Variants in NARS2 observed in about 807,000 individuals in gnomAD.
NARS2 encodes the protein asparaginyl-tRNA synthetase.
Under a neutral mutation model 62.9 loss-of-function variants are expected in NARS2, and 60 were observed. That is an observed-to-expected ratio of 0.95 (90% CI 0.77 to 1.18). NARS2 has a LOEUF of 1.18. Ranked by LOEUF, NARS2 falls within the 50% of genes most tolerant of loss-of-function variation. NARS2 has a pLI of 0.00. For missense variants in NARS2, 619 were observed against 576.4 expected (o/e 1.07, Z -0.76); for synonymous variants, 196 against 200.0 (o/e 0.98, Z 0.17).
chr11:78,491,503 T>C (rs77044291), intron 7 of NARS2, among the ~76,000 whole-genome samples: 4,726 of 152,364 alleles, frequency 0.031, 233 homozygotes, highest in African/African-American at 0.11. Context: ...AGGTACTGCC[T>C]TACTCAAGGT....
At chr11:78,541,851 T>C (rs1379956304) in intron 5 of NARS2, among the ~76,000 whole-genome samples, 1 of 152,228 alleles carries the variant, frequency 6.6e-6, no homozygotes, top group East Asian at 1.9e-4. Flanking sequence ...GAAATTGTTC[T>C]GCATGCCATT....
intron 11 of NARS2, among the ~76,000 whole-genome samples, chr11:78,458,811 C>T (rs2135187459): frequency 6.6e-6 from 1 of 152,308 alleles, no homozygotes; most frequent in East Asian, 1.9e-4. Context: ...ATTGTACTTC[C>T]ATAATTCCCA....
Position 78,515,641 on chromosome 11 carries a change from TA to T in NARS2, c.689+13200del, listed in dbSNP as rs1860878636. On this transcript the variant is annotated intron_variant, in intron 6 of 13. Coordinates refer to ENST00000281038, the MANE Select transcript of NARS2 (RefSeq NM_024678.6). ...CAAGCAATCCTCCTGCCTCAGCCTC[TA>T]AAGTAGCTGGGACTACAGGGGTGCA... Among the ~76,000 whole-genome samples, 3 of 151,480 alleles carry T rather than the reference TA, an allele frequency of 2.0e-5. No homozygotes were observed. In the South Asian group the frequency reaches 6.3e-4, roughly 32 times the overall value.
At chr11:78,570,111 A>G (rs1330106505) in intron 2 of NARS2, among the ~76,000 whole-genome samples, 1 of 152,008 alleles carries the variant, frequency 6.6e-6, no homozygotes, top group Non-Finnish European at 1.5e-5. Flanking sequence ...AATTGCCCGA[A>G]CTCATGAGGC....
chr11:78,436,515 T>A lies in NARS2; in HGVS notation c.*155A>T. ...AAATACCCTCAACTTTCTAAGAAAA[T>A]CACAACCACTTATATTTTTTCTATG... On this transcript the variant is annotated 3_prime_UTR_variant, in exon 14 of 14. Coordinates refer to ENST00000281038, the MANE Select transcript of NARS2 (RefSeq NM_024678.6). 7 of 950,504 alleles carry A rather than the reference T, an allele frequency of 7.4e-6. No individual in the cohort carries two copies. The highest frequency in any genetic ancestry group is 1.1e-5 in the Non-Finnish European group (7 of 647,200). The allele number at this position is 950,504 out of a possible 1,614,324, so 58.9% of individuals were successfully genotyped here. A position where few individuals can be genotyped will look rare whatever the true frequency, so the allele number is the denominator to read the frequency against.
chr11:78,542,880 G>A (rs1442424089), intron 5 of NARS2, among the ~76,000 whole-genome samples: 1 of 152,196 alleles, frequency 6.6e-6, no homozygotes, highest in East Asian at 1.9e-4. Context: ...ACTCCCAACA[G>A]GGCGACAGAG....
intron 6 of NARS2, among the ~76,000 whole-genome samples, chr11:78,524,261 G>C (rs1861224737): frequency 6.6e-6 from 1 of 152,026 alleles, no homozygotes; most frequent in Non-Finnish European, 1.5e-5. Context: ...ATAAATAAAA[G>C]TTGCTTTCAA....
chr11:78,558,791 G>C (rs1249862178), intron 5 of NARS2, among the ~76,000 whole-genome samples: 1 of 152,058 alleles, frequency 6.6e-6, no homozygotes, highest in Non-Finnish European at 1.5e-5. Flanking sequence ...CAGTTCTTAT[G>C]AAAAAATGTA....
At chr11:78,496,232 C>T (rs1171380598) in intron 6 of NARS2, among the ~76,000 whole-genome samples, 2 of 152,038 alleles carry the variant, frequency 1.3e-5, no homozygotes, top group Non-Finnish European at 2.9e-5. Context: ...AATGATCACC[C>T]TATGTCAGTA....
rs186916516 is a variant in NARS2 at position 78,464,958 on chromosome 11, C to T, written c.1164+918G>A. On this transcript the variant is annotated intron_variant, in intron 11 of 13. Transcript: ENST00000281038. The stretch of plus-strand genomic sequence containing the variant: ...CAGGTGGACCTGCCTGCCAGTCCCG[C>T]GCCATGCGCCTGCACTCCTCAGCCC... Among the ~76,000 whole-genome samples the T allele has an allele frequency of 4.1e-3, 632 of 152,362 alleles. 10 individuals are homozygous for T. The highest frequency in any genetic ancestry group is 0.024 in the Middle Eastern group (7 of 294).
intron 7 of NARS2, among the ~76,000 whole-genome samples, chr11:78,479,012 T>C (rs971014489): frequency 6.6e-6 from 1 of 152,168 alleles, no homozygotes; most frequent in African/African-American, 2.4e-5. Flanking sequence ...AGGGTAATAA[T>C]AGCACCTAAC....
chr11:78,508,724 G>A (rs761445563), intron 6 of NARS2, among the ~76,000 whole-genome samples: 23 of 151,884 alleles, frequency 1.5e-4, no homozygotes, highest in Non-Finnish European at 2.9e-4. Flanking sequence ...TAACCTCAAA[G>A]AGGTTCATGC....
chr11:78,501,943 C>T (rs1258845972), intron 6 of NARS2, among the ~76,000 whole-genome samples: 1 of 151,976 alleles, frequency 6.6e-6, no homozygotes, highest in Non-Finnish European at 1.5e-5. Flanking sequence ...AAATATTCAT[C>T]AATGAATGAA....
intron 5 of NARS2, among the ~76,000 whole-genome samples, chr11:78,531,075 C>G (rs1590820588): frequency 6.6e-6 from 1 of 151,754 alleles, no homozygotes; most frequent in Admixed American, 6.6e-5. Flanking sequence ...AAAGTGATAT[C>G]AGCAAATATG....
At chr11:78,474,149 AGT>A (rs1858989175) in intron 9 of NARS2, among the ~76,000 whole-genome samples, 1 of 152,222 alleles carries the variant, frequency 6.6e-6, no homozygotes, top group Non-Finnish European at 1.5e-5. Flanking sequence ...TTGCAGAAAG[AGT>A]GTTTTCAAAT....
intron 11 of NARS2, among the ~76,000 whole-genome samples, chr11:78,445,878 T>C (rs911669788): frequency 2.6e-5 from 4 of 152,190 alleles, no homozygotes; most frequent in African/African-American, 9.7e-5. Flanking sequence ...GAATATCACT[T>C]GAGCCCAGGA....
chr11:78,572,600 T>C (rs1441426873), intron 1 of NARS2, among the ~76,000 whole-genome samples: 1 of 152,214 alleles, frequency 6.6e-6, no homozygotes, highest in Non-Finnish European at 1.5e-5. Context: ...CCTTCTCAGT[T>C]ACGTAACTTC....
At chr11:78,521,059 CAA>C (rs1254790630) in intron 6 of NARS2, among the ~76,000 whole-genome samples, 1 of 139,234 alleles carries the variant, frequency 7.2e-6, no homozygotes. Context: ...ACTCTGTCTC[CAA>C]AAAAAAAAAA....
chr11:78,465,063 G>A (rs1156937299), intron 11 of NARS2, among the ~76,000 whole-genome samples: 2 of 152,226 alleles, frequency 1.3e-5, no homozygotes, highest in Admixed American at 6.5e-5. Context: ...AGGAGCCCAC[G>A]GAGGGGTGGG....
Sources: gnomAD v4.1 joint callset for allele counts (sites outside exome capture counted in the v4.1 genomes callset) on GRCh38, gnomAD v4.1.1 for gene constraint, MANE v1.5 for transcripts, NCBI Gene and HGNC (gene_info 2026-07-23, HGNC 2026-07-21) for gene names.